AVIL: variants seen among roughly 807,000 people sequenced by gnomAD.
AVIL encodes advillin.
In AVIL, 78 loss-of-function variants were observed where a neutral mutation model predicts 109.9. The observed-to-expected ratio is 0.71, with a 90% CI of 0.59 to 0.86. AVIL has a LOEUF of 0.86. Ranked by LOEUF, AVIL falls within the 40% of genes least tolerant of loss-of-function variation. The pLI, the probability that AVIL is intolerant of heterozygous loss-of-function variation, is 0.00. For missense variants in AVIL, 892 were observed against 1,016.5 expected, an observed-to-expected ratio of 0.88 and a Z score of 1.67; for synonymous variants, 367 against 379.1, an observed-to-expected ratio of 0.97 and a Z score of 0.37.
intron 3 of AVIL, 105 bp downstream of exon 3, chr12:57,814,047 C>A: frequency 1.6e-6 from 2 of 1,214,896 alleles, no homozygotes; most frequent in East Asian, 2.6e-5. Context: ...CCATTGAGAC[C>A]GATACCAGGG....
At chr12:57,811,336 A>G (rs1956035653) in intron 4 of AVIL, among the ~76,000 whole-genome samples, 1 of 152,166 alleles carries the variant, frequency 6.6e-6, no homozygotes, top group Admixed American at 6.5e-5. Flanking sequence ...AAGAAATGAC[A>G]TTTGAACTGA....
intron 1 of AVIL, 112 bp from the exon 2 acceptor site, chr12:57,816,171 C>A: frequency 1.2e-6 from 1 of 819,222 alleles, no homozygotes; most frequent in Admixed American, 2.6e-5. Flanking sequence ...CTGCCACACC[C>A]TCATGGTGCA....
intron 13 of AVIL, 165 bp from the exon 14 acceptor site, chr12:57,806,704 A>G: frequency 1.5e-6 from 1 of 676,110 alleles, no homozygotes; most frequent in Non-Finnish European, 2.5e-6. Flanking sequence ...GTCACCGATA[A>G]CAACAACTTT....
intron 4 of AVIL, among the ~76,000 whole-genome samples, chr12:57,812,879 G>A (rs1016566389): frequency 4.6e-5 from 7 of 152,146 alleles, no homozygotes; most frequent in Non-Finnish European, 8.8e-5. Context: ...TCATTAATGA[G>A]GCTGCTATGA....
rs66731427 is a variant in AVIL, at chr12:57,818,182, C to CTTTTTTTTTTTTTTTTTTTTTTTTTTTT, written c.-20+419_-20+446dup. ...CACAGGTGTGCACCACCATGCTTGG[C>CTTTTTTTTTTTTTTTTTTTTTTTTTTTT]TTTTTTTTTTTTTTTTTTTTTTTTT... On this transcript the variant is annotated intron_variant, in intron 1 of 19. Coordinates refer to ENST00000549994, the MANE Select transcript of AVIL (RefSeq NM_006576.4). Among the ~76,000 whole-genome samples, 2 of 35,272 alleles carry CTTTTTTTTTTTTTTTTTTTTTTTTTTTT rather than the reference C, an allele frequency of 5.7e-5. 1 individual carries two copies. Among genetic ancestry groups the CTTTTTTTTTTTTTTTTTTTTTTTTTTTT allele is most frequent in the Non-Finnish European group, 1.1e-4 (2 of 18,988 alleles). The allele number at this position is 35,272 out of a possible 152,430, so 23.1% of individuals were successfully genotyped here.
intron 6 of AVIL, 95 bp downstream of exon 6, chr12:57,810,720 CA>C: frequency 6.9e-7 from 1 of 1,457,722 alleles, no homozygotes; most frequent in Non-Finnish European, 9.5e-7. Flanking sequence ...AGATTCTACT[CA>C]AAGGCAGGGC....
In AVIL at chr12:57,801,130, C is replaced by G; in HGVS notation, c.2220+14G>C. 1 of 1,611,864 alleles carries G rather than the reference C, an allele frequency of 6.2e-7. No homozygotes were observed. Among genetic ancestry groups the G allele is most frequent in the Non-Finnish European group, 8.5e-7 (1 of 1,178,912 alleles). On this transcript the variant is annotated intron_variant, in intron 18 of 19. Coordinates refer to ENST00000549994, the MANE Select transcript of AVIL (RefSeq NM_006576.4). ...CCATGTGGCTGGCTTCTCCCAAGAG[C>G]GAACCCGACTCACAGCAGTGATTCG... is the stretch of plus-strand genomic sequence containing the variant.
chr12:57,815,469 C>G (rs1565839608), intron 2 of AVIL: 1 of 819,590 alleles, frequency 1.2e-6, no homozygotes. Context: ...GCTACCCAGG[C>G]CAGGGTGGTT....
rs752757136 is a variant in AVIL at position 57,803,679 on chromosome 12, G to C, written c.1672-10C>G. On this transcript the variant is annotated splice_polypyrimidine_tract_variant and intron_variant, in intron 14 of 19. Coordinates refer to ENST00000549994, the MANE Select transcript of AVIL (RefSeq NM_006576.4). ...CATCCCCACTAGACCCCTGAGAGTG[G>C]GGCGAGGAGAGCACAGATGTTAGTT... 1.2e-5 allele frequency: 19 copies of C among 1,613,300 alleles called. No individual in the cohort carries two copies. Among genetic ancestry groups the C allele is most frequent in the Non-Finnish European group, 1.6e-5 (19 of 1,179,642 alleles).
At chr12:57,799,716 C>A (rs1275419062) in intron 19 of AVIL, 79 bp downstream of exon 19, 2 of 1,595,212 alleles carry the variant, frequency 1.3e-6, no homozygotes, top group Non-Finnish European at 1.7e-6. Context: ...CCGGAGCTGT[C>A]CTAGGCCATT....
At position 57,816,946 on chromosome 12, in the gene AVIL, C is replaced by T. The variant is rs3736285; in HGVS notation, c.-19-887G>A. ...TCTGTGTGGAAGCGTGAACCTCAGA[C>T]ACTTAGACGTCTCCAGTTCCTTCAG... is the stretch of plus-strand genomic sequence containing the variant. On this transcript the variant is annotated intron_variant, in intron 1 of 19. Transcript: ENST00000549994. Among the ~76,000 whole-genome samples the T allele has an allele frequency of 1.8e-4, 28 of 152,038 alleles. No individual in the cohort carries two copies. In the East Asian group the frequency reaches 5.4e-3, roughly 29 times the overall value.
intron 5 of AVIL, 29 bp downstream of exon 5, chr12:57,810,990 G>T (rs1956030127): frequency 1.9e-6 from 3 of 1,613,784 alleles, no homozygotes; most frequent in East Asian, 2.2e-5. Context: ...GAAGCCCCGG[G>T]CCTGGGGCAG....
chr12:57,816,334 G>A (rs1465050425), intron 1 of AVIL: 2 of 347,070 alleles, frequency 5.8e-6, no homozygotes, highest in African/African-American at 4.3e-5. Context: ...TTACCAAAGG[G>A]GTGATAAATA....
At chr12:57,804,464 A>C (rs1307479972) in intron 14 of AVIL, 1 of 152,234 alleles carries the variant, frequency 6.6e-6, no homozygotes, top group Admixed American at 6.5e-5. Flanking sequence ...TTACTTGAGT[A>C]AATACCCAGG....
intron 14 of AVIL, among the ~76,000 whole-genome samples, chr12:57,804,744 G>C (rs1002916414): frequency 9.2e-5 from 14 of 152,016 alleles, no homozygotes; most frequent in African/African-American, 3.4e-4. Context: ...AGGAGGCAGA[G>C]GTTGCAGTGA....
rs953827530 is a variant in AVIL, at chr12:57,797,971, C to A, written c.2371G>T (p.Val791Leu). The A allele has an allele frequency of 6.2e-6, 10 of 1,612,684 alleles. No individual in the cohort carries two copies. Among genetic ancestry groups the A allele is most frequent in the Non-Finnish European group, 8.5e-6 (10 of 1,179,236 alleles). Reference sequence around the variant, plus strand: ...CCTCTTGTGATGCCAAACACAGACACAAAGTCCTGTTCAGAGAGGTAATTC... The same window carrying A: ...CCTCTTGTGATGCCAAACACAGACAAAAAGTCCTGTTCAGAGAGGTAATTC... The part of the protein sequence containing the change: ...KENYLSEQDF[V>L]SVFGITRGQF... Residue 791 changes from valine (V) to leucine (L), a missense_variant, in exon 20 of 20, where the codon GTG (valine) becomes TTG (leucine). Transcript: ENST00000549994.
At chr12:57,806,577 AC>A in intron 13 of AVIL, 38 bp from the exon 14 acceptor site, 1 of 1,608,922 alleles carries the variant, frequency 6.2e-7, no homozygotes, top group Non-Finnish European at 8.5e-7. Flanking sequence ...TCTAAGGAGC[AC>A]CATGTGAGCA....
chr12:57,816,782 C>A (rs369528669), intron 1 of AVIL, among the ~76,000 whole-genome samples: 1 of 148,882 alleles, frequency 6.7e-6, no homozygotes, highest in South Asian at 2.1e-4. Flanking sequence ...CTACTATATT[C>A]CCTGTGCTTT....
intron 14 of AVIL, 40 bp from the exon 15 acceptor site, chr12:57,803,709 AG>A: frequency 1.2e-6 from 2 of 1,600,634 alleles, no homozygotes; most frequent in Non-Finnish European, 1.7e-6. Flanking sequence ...TTAGTTGCAC[AG>A]GGGCACTTCG....
Sources: gnomAD v4.1 joint callset for allele counts (sites outside exome capture counted in the v4.1 genomes callset) on GRCh38, gnomAD v4.1.1 for gene constraint, MANE v1.5 for transcripts, NCBI Gene and HGNC (gene_info 2026-07-23, HGNC 2026-07-21) for gene names.